MRO: variants seen among roughly 807,000 people sequenced by gnomAD.
The protein encoded by MRO is maestro, also known as protein maestro.
MRO carries 28 observed loss-of-function variants against 31.0 expected under a neutral mutation model. The ratio of observed to expected loss-of-function variants is 0.90; its 90% CI spans 0.67 to 1.24. The LOEUF (loss-of-function observed/expected upper bound fraction) is 1.24. Ranked by LOEUF, MRO falls within the 50% of genes most tolerant of loss-of-function variation. The pLI is 0.00. For synonymous variants in MRO, 108 were observed against 108.4 expected, an observed-to-expected ratio of 1.00 and a Z score of 0.02; for missense variants, 332 against 289.2, an observed-to-expected ratio of 1.15 and a Z score of -1.07.
chr18:50,812,532 A>AT (rs1321272258), intron 2 of MRO, among the ~76,000 whole-genome samples: 3 of 152,150 alleles, frequency 2.0e-5, no homozygotes, highest in Admixed American at 6.5e-5. Flanking sequence ...CAATTTGTCT[A>AT]TTTTTGTTGT....
At chr18:50,819,157 T>C (rs1244060940) in intron 2 of MRO, among the ~76,000 whole-genome samples, 2 of 152,186 alleles carry the variant, frequency 1.3e-5, no homozygotes, top group Non-Finnish European at 2.9e-5. Flanking sequence ...AGTCAAATAC[T>C]GGCAGAGCAG....
intron 2 of MRO, 63 bp from the exon 3 acceptor site, chr18:50,809,467 G>A: frequency 1.7e-6 from 2 of 1,158,464 alleles, no homozygotes; most frequent in Middle Eastern, 2.0e-4. Flanking sequence ...AAACATTGTT[G>A]TACAATGCAT....
chr18:50,801,538 C>T, intron 5 of MRO, 34 bp from the exon 6 acceptor site: 1 of 1,555,280 alleles, frequency 6.4e-7, no homozygotes, highest in South Asian at 1.2e-5. Flanking sequence ...ATAAGAAAGC[C>T]AGATCATTAC....
intron 6 of MRO, among the ~76,000 whole-genome samples, chr18:50,800,835 G>A (rs1213185261): frequency 4.1e-5 from 6 of 145,530 alleles, no homozygotes; most frequent in South Asian, 4.3e-4. Context: ...GTAGTGAGCC[G>A]AGATCACACC....
Position 50,795,329 on chromosome 18 carries a change from C to T in MRO, c.*4008G>A, listed in dbSNP as rs961678763. The T allele has an allele frequency of 1.3e-5, 2 of 152,108 alleles. No homozygotes were observed. The highest frequency in any genetic ancestry group is 6.6e-5 in the Admixed American group (1 of 15,266). 9.4% of individuals were successfully genotyped at this position (152,108 alleles called of 1,614,324 possible). On this transcript the variant is annotated 3_prime_UTR_variant, in exon 8 of 8. Transcript: ENST00000398439. ...TTTTTCATTTTAAAAGGGCATTTTG[C>T]ATGTGTTTTATAACTATGAAAGTAA...
chr18:50,809,144 C>CAAAAAAA (rs61728184), intron 3 of MRO, among the ~76,000 whole-genome samples, 158 bp downstream of exon 3: 3,496 of 98,960 alleles, frequency 0.035, 380 homozygotes, highest in South Asian at 0.062. Context: ...GACTCCGTCT[C>CAAAAAAA]AAAAAAAAAA....
At chr18:50,815,029 C>A in intron 2 of MRO, 1 of 162,100 alleles carries the variant, frequency 6.2e-6, no homozygotes, top group Non-Finnish European at 1.3e-5. Context: ...CCACTGTTCT[C>A]CAGCTGGGTG....
intron 4 of MRO, among the ~76,000 whole-genome samples, chr18:50,806,242 A>G (rs1913911698): frequency 6.6e-6 from 1 of 151,576 alleles, no homozygotes; most frequent in African/African-American, 2.4e-5. Context: ...AGCCCATAAG[A>G]CTCTATCTTA....
intron 3 of MRO, among the ~76,000 whole-genome samples, chr18:50,809,054 C>T (rs1032893171): frequency 6.8e-6 from 1 of 146,652 alleles, no homozygotes; most frequent in African/African-American, 2.6e-5. Context: ...AGGAGAATGG[C>T]GTGAACCCGG....
chr18:50,806,923 C>T, intron 3 of MRO, 73 bp from the exon 4 acceptor site: 1 of 1,468,986 alleles, frequency 6.8e-7, no homozygotes, highest in Non-Finnish European at 9.4e-7. Context: ...CAATCTCTCC[C>T]TCTAAAGAAA....
chr18:50,801,259 G>C, intron 6 of MRO, 90 bp downstream of exon 6: 1 of 1,191,006 alleles, frequency 8.4e-7, no homozygotes, highest in Non-Finnish European at 1.2e-6. Flanking sequence ...AGTGCTGGCA[G>C]GAACCCTAGG....
chr18:50,812,943 G>A (rs1157849197), intron 2 of MRO, among the ~76,000 whole-genome samples: 2 of 152,184 alleles, frequency 1.3e-5, no homozygotes, highest in Admixed American at 6.5e-5. Context: ...ACAGTGACCA[G>A]TGACAAACTG....
intron 2 of MRO, among the ~76,000 whole-genome samples, chr18:50,816,696 A>G (rs1914956127): frequency 6.6e-6 from 1 of 152,222 alleles, no homozygotes; most frequent in South Asian, 2.1e-4. Flanking sequence ...TATTTTAAAT[A>G]AATAGGATTG....
In MRO at chr18:50,819,556, T is replaced by C. The variant is rs1367895831; in HGVS notation, c.-5+25A>G. ...CAGGACGCCTCCCGCTGCATCTGGC[T>C]GCCCCGGCCAACAGTGTCCCTTACC... On this transcript the variant is annotated intron_variant, in intron 2 of 7. Coordinates refer to ENST00000398439, the MANE Select transcript of MRO (RefSeq NM_031939.6). The C allele has an allele frequency of 1.7e-5, 27 of 1,551,116 alleles. No homozygotes were observed. In the East Asian group the frequency reaches 6.6e-4, roughly 38 times the overall value.
At chr18:50,805,105 C>A in intron 5 of MRO, 49 bp downstream of exon 5, 2 of 1,517,302 alleles carry the variant, frequency 1.3e-6, no homozygotes, top group South Asian at 1.1e-5. Flanking sequence ...AGTCATATTT[C>A]TAAGCCCATT....
At chr18:50,815,540 T>C (rs2144661934) in intron 2 of MRO, 4 of 308,236 alleles carry the variant, frequency 1.3e-5, no homozygotes, top group South Asian at 1.3e-4. Flanking sequence ...CAGTGGTGGA[T>C]GATATGATGG....
upstream of MRO, among the ~76,000 whole-genome samples, chr18:50,823,414 CT>C (rs2144690765): frequency 6.6e-6 from 1 of 152,352 alleles, no homozygotes; most frequent in East Asian, 1.9e-4. Flanking sequence ...AGATGCAGTT[CT>C]CCAAACTCTA....
chr18:50,819,941 C>T lies in MRO; in HGVS notation c.-171G>A, dbSNP rs745380248. On this transcript the variant is annotated 5_prime_UTR_variant, in exon 1 of 8. Transcript: ENST00000398439. ...GCTGAGGTGTTTTTCCTTCTCCTTGCTGTGATTTCCCCTCCTTCTTCCCTC... is the reference window on the plus strand; with the variant it reads ...GCTGAGGTGTTTTTCCTTCTCCTTGTTGTGATTTCCCCTCCTTCTTCCCTC... 218 of 1,551,594 alleles carry T rather than the reference C, an allele frequency of 1.4e-4. No homozygotes were observed. Among genetic ancestry groups the T allele is most frequent in the Non-Finnish European group, 1.8e-5 (21 of 1,146,994 alleles).
At chr18:50,815,699 T>C in intron 2 of MRO, 1 of 438,858 alleles carries the variant, frequency 2.3e-6, no homozygotes, top group South Asian at 1.8e-5. Context: ...ATGGATCTGG[T>C]AGTGGAAATG....
Sources: allele counts gnomAD v4.1 joint callset (sites outside exome capture counted in the v4.1 genomes callset), GRCh38; gene constraint gnomAD v4.1.1; transcripts MANE v1.5; gene names NCBI Gene and HGNC (gene_info 2026-07-23, HGNC 2026-07-21).